CYP2A13: variants seen among roughly 807,000 people sequenced by gnomAD.
CYP2A13 encodes the protein cytochrome P450 family 2 subfamily A member 13, also known as cytochrome P450 2A13.
A neutral mutation model predicts 39.4 loss-of-function variants in CYP2A13; 30 were observed. That is an observed-to-expected ratio of 0.76 (90% CI 0.57 to 1.03). The LOEUF (loss-of-function observed/expected upper bound fraction) is 1.03, where lower values mean the gene tolerates loss of function less well. Ranked by LOEUF, CYP2A13 falls within the 50% of genes least tolerant of loss-of-function variation. The pLI is 0.00. For missense variants in CYP2A13, 731 were observed against 648.4 expected (o/e 1.13, Z -1.38); for synonymous variants, 269 against 254.7 (o/e 1.06, Z -0.54).
chr19:41,091,678 C>T, intron 4 of CYP2A13, 54 bp from the exon 5 acceptor site: 1 of 1,602,114 alleles, frequency 6.2e-7, no homozygotes, highest in Admixed American at 1.7e-5. Flanking sequence ...TTCCCATCAG[C>T]TCCTGCCCCG....
At chr19:41,088,697 A>C in intron 1 of CYP2A13, 46 bp downstream of exon 1, 1 of 1,587,742 alleles carries the variant, frequency 6.3e-7, no homozygotes, top group Non-Finnish European at 8.6e-7. Context: ...GGGGCTGCCC[A>C]GTTGGCTGGG....
At position 41,090,527 on chromosome 19, in the gene CYP2A13, T is replaced by C; in HGVS notation, c.617T>C (p.Leu206Pro). Reference protein sequence around the residue: ...KEFLSLLRMMLGSFQFTATST... With the variant: ...KEFLSLLRMMPGSFQFTATST... The stretch of plus-strand genomic sequence containing the variant: ...TTCCTGTCACTGTTGCGCATGATGC[T>C]GGGAAGCTTCCAGTTCACGGCAACC... The change falls in exon 4 of 9, where the codon CTG becomes CCG. Residue 206 changes from leucine to proline, a missense_variant. Leu to Pro is a moderately conservative substitution (Grantham distance 98, BLOSUM62 -3). Transcript: ENST00000330436. 1.9e-6 allele frequency: 3 copies of C among 1,614,148 alleles called. No individual in the cohort carries two copies. The highest frequency in any genetic ancestry group is 2.5e-6 in the Non-Finnish European group (3 of 1,180,008).
At position 41,090,008 on chromosome 19, in the gene CYP2A13, C is replaced by T. The variant is rs545287361; in HGVS notation, c.344-39C>T. On this transcript the variant is annotated intron_variant, in intron 2 of 8. Coordinates refer to ENST00000330436, the MANE Select transcript of CYP2A13 (RefSeq NM_000766.5). ...AGCTGGTCCGCTCCTGCTCCCGCCG[C>T]CCCCTGACCTCTCTCCACCCCCGCG... 1.6e-5 allele frequency: 25 copies of T among 1,575,204 alleles called. No homozygotes were observed. In the East Asian group the frequency reaches 5.0e-4, roughly 31 times the overall value.
In CYP2A13 at chr19:41,095,988, G is replaced by A. The variant is rs1291739912; in HGVS notation, c.*47G>A. 1.9e-6 allele frequency: 3 copies of A among 1,609,722 alleles called. No homozygotes were observed. Among genetic ancestry groups the A allele is most frequent in the African/African-American group, 1.3e-5 (1 of 74,584 alleles). ...GGCTGGTGGGCGGGGCCAGGGAAAC[G>A]GCCGGGGCAGGGGCGGGGCTTGTGG... On this transcript the variant is annotated 3_prime_UTR_variant, in exon 9 of 9. Transcript: ENST00000330436.
At chr19:41,089,436 T>G (rs1387808127) in intron 2 of CYP2A13, among the ~76,000 whole-genome samples, 5 of 152,112 alleles carry the variant, frequency 3.3e-5, no homozygotes, top group East Asian at 1.9e-4. Context: ...TCGGCTTCTG[T>G]GCTTCTCCGT....
rs72547590 is a variant in CYP2A13 at position 41,095,814 on chromosome 19, T to G, written c.1358T>G (p.Phe453Cys). The G allele has an allele frequency of 6.2e-7, 1 of 1,614,096 alleles. No individual in the cohort carries two copies. Among genetic ancestry groups the G allele is most frequent in the African/African-American group, 1.3e-5 (1 of 75,022 alleles). ...GLARMELFLF[F>C]TTIMQNFRFK... Reference sequence around the variant, plus strand: ...GCCAGAATGGAGCTCTTTCTCTTCTTCACCACCATCATGCAGAACTTTCGC... The same window carrying G: ...GCCAGAATGGAGCTCTTTCTCTTCTGCACCACCATCATGCAGAACTTTCGC... Residue 453 changes from phenylalanine (F) to cysteine (C), a missense_variant, in exon 9 of 9, where the codon TTC becomes TGC. Transcript: ENST00000330436.
At chr19:41,091,418 G>A (rs1310575752) in intron 4 of CYP2A13, among the ~76,000 whole-genome samples, 1 of 152,178 alleles carries the variant, frequency 6.6e-6, no homozygotes, top group Non-Finnish European at 1.5e-5. Flanking sequence ...CACCTGGACA[G>A]GTGTCTTCCA....
Position 41,090,034 on chromosome 19 carries a change from T to A in CYP2A13, c.344-13T>A, listed in dbSNP as rs1475168177. The A allele has an allele frequency of 6.2e-7, 1 of 1,609,880 alleles. No homozygotes were observed. Among genetic ancestry groups the A allele is most frequent in the Non-Finnish European group, 8.5e-7 (1 of 1,178,512 alleles). On this transcript the variant is annotated splice_polypyrimidine_tract_variant and intron_variant, in intron 2 of 8. Coordinates refer to ENST00000330436, the MANE Select transcript of CYP2A13 (RefSeq NM_000766.5). The stretch of plus-strand genomic sequence containing the variant: ...CCCCTGACCTCTCTCCACCCCCGCG[T>A]TCACCTCCCCAGGCGTGGCGTTCAG...
Position 41,090,534 on chromosome 19 carries a change from C to A in CYP2A13, c.624C>A (p.Ser208Arg). ...CACTGTTGCGCATGATGCTGGGAAG[C>A]TTCCAGTTCACGGCAACCTCCACGG... ...FLSLLRMMLG[S>R]FQFTATSTGQ... The change falls in exon 4 of 9, where the codon AGC (serine) becomes AGA (arginine). Residue 208 changes from serine to arginine, a missense_variant. By Grantham distance (110) the Ser-to-Arg change is moderately radical. Transcript: ENST00000330436. The A allele has an allele frequency of 6.2e-7, 1 of 1,614,140 alleles. No homozygotes were observed. Among genetic ancestry groups the A allele is most frequent in the South Asian group, 1.1e-5 (1 of 91,082 alleles).
intron 5 of CYP2A13, 35 bp downstream of exon 5, chr19:41,091,943 G>A: frequency 6.2e-7 from 1 of 1,608,876 alleles, no homozygotes; most frequent in Non-Finnish European, 8.5e-7. Flanking sequence ...CAGGTGCAAA[G>A]CCAGGGAGAG....
rs1238281232 is a variant in CYP2A13, at chr19:41,096,159, C to T, written c.*218C>T. 71 of 675,110 alleles carry T rather than the reference C, an allele frequency of 1.1e-4. No individual in the cohort carries two copies. Among genetic ancestry groups the T allele is most frequent in the South Asian group, 4.1e-4 (21 of 51,348 alleles). 41.8% of individuals were successfully genotyped at this position (675,110 alleles called of 1,614,324 possible). ...GGAAGGGAAACCTTACAGTATGCTA[C>T]AAAGAGTAGTAATAATAGCAGCTCT... On this transcript the variant is annotated 3_prime_UTR_variant, in exon 9 of 9. Transcript: ENST00000330436.
Position 41,095,980 on chromosome 19 carries a change from AG to A in CYP2A13, c.*42del. On this transcript the variant is annotated 3_prime_UTR_variant, in exon 9 of 9. Coordinates refer to ENST00000330436, the MANE Select transcript of CYP2A13 (RefSeq NM_000766.5). Reference sequence around the variant, plus strand: ...TGGTGCAGGGCTGGTGGGCGGGGCCAGGGAAACGGCCGGGGCAGGGGCGGGG... The same window carrying A: ...TGGTGCAGGGCTGGTGGGCGGGGCCAGGAAACGGCCGGGGCAGGGGCGGGG... The A allele has an allele frequency of 1.3e-6, 1 of 756,896 alleles. No homozygotes were observed. The highest frequency in any genetic ancestry group is 1.8e-6 in the Non-Finnish European group (1 of 570,766). The allele number at this position is 756,896 out of a possible 1,614,324, so 46.9% of individuals were successfully genotyped here.
chr19:41,092,312 TAAAAAAAAAAAA>T (rs529985444), intron 5 of CYP2A13, among the ~76,000 whole-genome samples: 2 of 53,796 alleles, frequency 3.7e-5, no homozygotes, highest in South Asian at 8.1e-4. Flanking sequence ...CAAGACCCTG[TAAAAAAAAAAAA>T]AAAAAAAAAA....
Position 41,088,752 on chromosome 19 carries a change from A to G in CYP2A13, c.180+101A>G, listed in dbSNP as rs3745279. 7.9e-4 allele frequency: 1,222 copies of G among 1,544,006 alleles called. 19 individuals are homozygous for G. In the East Asian group the frequency reaches 0.023, roughly 30 times the overall value. On this transcript the variant is annotated intron_variant, in intron 1 of 8. Transcript: ENST00000330436. ...ACCAGTGTGGACCAGAGTCTTAGGA[A>G]AGGGAGTCTTGGAGTTTCAGCATCA...
At chr19:41,094,634 G>A (rs1041332735) in intron 7 of CYP2A13, among the ~76,000 whole-genome samples, 1 of 152,054 alleles carries the variant, frequency 6.6e-6, no homozygotes, top group African/African-American at 2.4e-5. Context: ...GACTCTTTGT[G>A]TCAGGAGAAT....
At chr19:41,090,686 C>T (rs1169614101) in intron 4 of CYP2A13, 122 bp downstream of exon 4, 3 of 1,457,466 alleles carry the variant, frequency 2.1e-6, no homozygotes, top group Non-Finnish European at 2.8e-6. Context: ...AATCAGTCCC[C>T]GATATTGGAC....
In CYP2A13 at chr19:41,095,892, G is replaced by A. The variant is rs66497551; in HGVS notation, c.1436G>A (p.Gly479Asp). 27 of 1,613,802 alleles carry A rather than the reference G, an allele frequency of 1.7e-5. No individual in the cohort carries two copies. Among genetic ancestry groups the A allele is most frequent in the Non-Finnish European group, 2.1e-5 (25 of 1,179,914 alleles). ...ATCGACGTGTCCCCCAAACACGTGG[G>A]CTTTGCCACGATCCCACGAAACTAC... ...KDIDVSPKHV[G>D]FATIPRNYTM... is the part of the protein sequence containing the mutation. The change falls in exon 9 of 9, where the codon GGC becomes GAC. Residue 479 changes from glycine to aspartate, a missense_variant. Coordinates refer to ENST00000330436, the MANE Select transcript of CYP2A13 (RefSeq NM_000766.5).
chr19:41,095,887 C>T lies in CYP2A13; in HGVS notation c.1431C>T (p.His477=), dbSNP rs1280831111. The T allele has an allele frequency of 6.2e-7, 1 of 1,613,560 alleles. No individual in the cohort carries two copies. The highest frequency in any genetic ancestry group is 2.2e-5 in the East Asian group (1 of 44,844). The change falls in exon 9 of 9, where the codon CAC becomes CAT. Residue 477 remains histidine, a synonymous_variant. Coordinates refer to ENST00000330436, the MANE Select transcript of CYP2A13 (RefSeq NM_000766.5). ...SPKDIDVSPK[H]VGFATIPRNY... ...AGGATATCGACGTGTCCCCCAAACA[C>T]GTGGGCTTTGCCACGATCCCACGAA... is the stretch of plus-strand genomic sequence containing the variant.
chr19:41,093,556 T>A, intron 5 of CYP2A13, 74 bp from the exon 6 acceptor site: 1 of 1,581,004 alleles, frequency 6.3e-7, no homozygotes, highest in Admixed American at 1.8e-5. Flanking sequence ...GAGAGGTAGC[T>A]CCAAAGGAAA....
Sources: gnomAD v4.1 joint callset for allele counts (sites outside exome capture counted in the v4.1 genomes callset) on GRCh38, gnomAD v4.1.1 for gene constraint, MANE v1.5 for transcripts, NCBI Gene and HGNC (gene_info 2026-07-23, HGNC 2026-07-21) for gene names.